WDR59: variants seen among roughly 807,000 people sequenced by gnomAD.
WDR59 encodes WD repeat domain 59.
A neutral mutation model predicts 131.2 loss-of-function variants in WDR59; 100 were observed. The observed-to-expected ratio is 0.76, with a 90% CI of 0.65 to 0.90. The LOEUF (loss-of-function observed/expected upper bound fraction) is 0.90. Ranked by LOEUF, WDR59 falls within the 40% of genes least tolerant of loss-of-function variation. The pLI is 0.00. For missense variants in WDR59, 1,203 were observed against 1,262.2 expected (o/e 0.95, Z 0.71); for synonymous variants, 601 against 466.2 (o/e 1.29, Z -3.72).
At chr16:74,962,035 GTTAAAC>G (rs1258148198) in intron 2 of WDR59, among the ~76,000 whole-genome samples, 5 of 152,100 alleles carry the variant, frequency 3.3e-5, no homozygotes, top group Non-Finnish European at 7.4e-5. Context: ...AGCACCACTT[GTTAAAC>G]AGGGAATCCT....
intron 6 of WDR59, 81 bp from the exon 7 acceptor site, chr16:74,942,907 T>A (rs1567416893): frequency 8.6e-6 from 11 of 1,276,760 alleles, no homozygotes; most frequent in Non-Finnish European, 1.0e-5. Context: ...GGGAGCTGGA[T>A]AATGAGTTCT....
intron 8 of WDR59, among the ~76,000 whole-genome samples, chr16:74,927,544 C>T (rs559067069): frequency 4.9e-5 from 7 of 142,684 alleles, no homozygotes; most frequent in East Asian, 2.1e-4. Flanking sequence ...GCTGAGACCG[C>T]GCCACTGCAC....
In WDR59 at chr16:74,893,714, G is replaced by C; in HGVS notation, c.1965C>G (p.Leu655=). The C allele has an allele frequency of 6.2e-7, 1 of 1,614,128 alleles. No individual in the cohort carries two copies. The highest frequency in any genetic ancestry group is 1.3e-5 in the African/African-American group (1 of 75,028). Residue 655 remains leucine (L), a synonymous_variant, in exon 19 of 26, where the codon CTC becomes CTG. Coordinates refer to ENST00000262144, the MANE Select transcript of WDR59 (RefSeq NM_030581.4). ...GKVIIQDIAC[L]LPVHKSLGEL... ...CTCCCAGCGATTTGTGAACAGGCAG[G>C]AGGCAAGCAATATCCTGGATGATGA...
chr16:74,983,371 G>A (rs2034501518), intron 1 of WDR59, among the ~76,000 whole-genome samples: 1 of 152,112 alleles, frequency 6.6e-6, no homozygotes, highest in African/African-American at 2.4e-5. Context: ...TACTCGGGAG[G>A]CTGAGGCACA....
At chr16:74,944,393 T>C (rs1378600416) in intron 6 of WDR59, among the ~76,000 whole-genome samples, 2 of 148,274 alleles carry the variant, frequency 1.3e-5, no homozygotes, top group South Asian at 2.1e-4. Context: ...TTGAACCTAG[T>C]AGGGGGAGGT....
chr16:74,892,568 G>C lies in WDR59; in HGVS notation c.2001-3C>G, dbSNP rs1213613862. 2.5e-6 allele frequency: 4 copies of C among 1,610,606 alleles called. No homozygotes were observed. The highest frequency in any genetic ancestry group is 1.1e-5 in the South Asian group (1 of 90,824). On this transcript the variant is annotated splice_region_variant and splice_polypyrimidine_tract_variant and intron_variant, in intron 19 of 25. Coordinates refer to ENST00000262144, the MANE Select transcript of WDR59 (RefSeq NM_030581.4). ...CCTGAATATCATTCACATTCAATCT[G>C]AAATTTTTTAAAAAGAATTAAACAT...
chr16:74,907,136 A>C lies in WDR59; in HGVS notation c.1712+1772T>G, dbSNP rs192346441. On this transcript the variant is annotated intron_variant, in intron 17 of 25. Coordinates refer to ENST00000262144, the MANE Select transcript of WDR59 (RefSeq NM_030581.4). The stretch of plus-strand genomic sequence containing the variant: ...CCCCAGTTCCCATGGGGCCCAGGTC[A>C]CATCTGCCCAGGTTACTGCAGAGAT... 1.1e-3 allele frequency among the ~76,000 whole-genome samples: 149 copies of C among 135,428 alleles called. 1 individual carries two copies. Among genetic ancestry groups the C allele is most frequent in the African/African-American group, 3.8e-3 (146 of 38,484 alleles). 88.8% of individuals were successfully genotyped at this position (135,428 alleles called of 152,430 possible).
chr16:74,910,185 C>G (rs934660903), intron 14 of WDR59, among the ~76,000 whole-genome samples: 6 of 152,024 alleles, frequency 3.9e-5, no homozygotes, highest in Non-Finnish European at 5.9e-5. Flanking sequence ...CCAGGCTGGT[C>G]TCGAACTCCT....
intron 1 of WDR59, among the ~76,000 whole-genome samples, chr16:74,983,172 G>A (rs982650875): frequency 6.6e-6 from 1 of 152,014 alleles, no homozygotes; most frequent in Non-Finnish European, 1.5e-5. Flanking sequence ...AAGAGACTCT[G>A]TCTCTACAAA....
intron 24 of WDR59, 78 bp from the exon 25 acceptor site, chr16:74,885,873 C>A: frequency 6.5e-7 from 1 of 1,538,542 alleles, no homozygotes. Context: ...CTTAATATAC[C>A]CTTCTTAAAG....
chr16:74,944,753 G>A (rs1237046092), intron 6 of WDR59, among the ~76,000 whole-genome samples: 1 of 151,616 alleles, frequency 6.6e-6, no homozygotes, highest in Non-Finnish European at 1.5e-5. Context: ...ACCTCACTGA[G>A]TACAAAGGAA....
chr16:74,905,333 C>T (rs1965746966), intron 17 of WDR59, among the ~76,000 whole-genome samples: 1 of 151,602 alleles, frequency 6.6e-6, no homozygotes, highest in Non-Finnish European at 1.5e-5. Context: ...TGAGATTGCG[C>T]CATTGCACTC....
In WDR59 at chr16:74,926,040, CA is replaced by C. The variant is rs554344275; in HGVS notation, c.652-2038del. Among the ~76,000 whole-genome samples the C allele has an allele frequency of 1.3e-4, 19 of 144,020 alleles. No individual in the cohort carries two copies. The South Asian group carries it at 3.5e-3, about 27-fold the overall frequency. 94.5% of individuals were successfully genotyped at this position (144,020 alleles called of 152,430 possible). On this transcript the variant is annotated intron_variant, in intron 8 of 25. Transcript: ENST00000262144. ...AAAGTATATCAGACTATATGGAAAA[CA>C]GTGAAAAAGTCTAATAAATTTTTTT... is the stretch of plus-strand genomic sequence containing the variant.
intron 8 of WDR59, among the ~76,000 whole-genome samples, chr16:74,924,397 AC>A (rs1347199072): frequency 6.6e-6 from 1 of 152,178 alleles, no homozygotes; most frequent in Non-Finnish European, 1.5e-5. Context: ...TATATTTAGA[AC>A]TTTTTTTTCC....
intron 18 of WDR59, 168 bp from the exon 19 acceptor site, chr16:74,893,980 G>T: frequency 1.3e-6 from 1 of 754,532 alleles, no homozygotes; most frequent in Non-Finnish European, 2.0e-6. Flanking sequence ...ATGAGCTCTT[G>T]TTCCAAAAAT....
At chr16:74,957,272 A>C (rs766094855) in intron 2 of WDR59, among the ~76,000 whole-genome samples, 5 of 151,726 alleles carry the variant, frequency 3.3e-5, no homozygotes, top group Non-Finnish European at 5.9e-5. Context: ...GTAGAGACGG[A>C]GTTTCACCAT....
chr16:74,918,480 GT>G (rs1447337800), intron 10 of WDR59, among the ~76,000 whole-genome samples: 1 of 152,092 alleles, frequency 6.6e-6, no homozygotes, highest in African/African-American at 2.4e-5. Context: ...TGCAAAACGG[GT>G]TATTTCAAAT....
At position 74,925,984 on chromosome 16, in the gene WDR59, C is replaced by CA. The variant is rs1022375831; in HGVS notation, c.652-1982dup. Among the ~76,000 whole-genome samples, 12 of 99,392 alleles carry CA rather than the reference C, an allele frequency of 1.2e-4. No homozygotes were observed. In the East Asian group the frequency reaches 2.3e-3, roughly 19 times the overall value. The allele number at this position is 99,392 out of a possible 152,430, so 65.2% of individuals were successfully genotyped here. On this transcript the variant is annotated intron_variant, in intron 8 of 25. Transcript: ENST00000262144. ...TGGGCAACAGAGCACGATCCTGTCT[C>CA]AAAAAAAAATGTTTTTAATAAAAAA... is the stretch of plus-strand genomic sequence containing the variant.
chr16:74,926,839 G>T (rs1376789004), intron 8 of WDR59, among the ~76,000 whole-genome samples: 1 of 152,144 alleles, frequency 6.6e-6, no homozygotes, highest in Non-Finnish European at 1.5e-5. Context: ...AGTTCGAAGT[G>T]GGTGACTTTT....
Sources: gnomAD v4.1 joint callset for allele counts (sites outside exome capture counted in the v4.1 genomes callset) on GRCh38, gnomAD v4.1.1 for gene constraint, MANE v1.5 for transcripts, NCBI Gene and HGNC (gene_info 2026-07-23, HGNC 2026-07-21) for gene names.